GAS7: variants seen among roughly 807,000 people sequenced by gnomAD.
GAS7 encodes growth arrest-specific protein 7.
GAS7 carries 28 observed loss-of-function variants against 71.1 expected under a neutral mutation model. The ratio of observed to expected loss-of-function variants is 0.39; its 90% CI spans 0.29 to 0.54. The LOEUF is 0.54. GAS7 is among the 20% of genes least tolerant of loss of function. The probability of loss-of-function intolerance (pLI) is 0.62; values close to 1 mark genes in which losing one functional copy is unlikely to be tolerated. For synonymous variants in GAS7, 258 were observed against 245.8 expected (o/e 1.05, Z -0.46); for missense variants, 436 against 627.8 (o/e 0.69, Z 3.27).
Position 9,974,848 on chromosome 17 carries a change from C to T in GAS7, c.386-5086G>A, listed in dbSNP as rs1289069335. Among the ~76,000 whole-genome samples the T allele has an allele frequency of 2.0e-5, 3 of 152,122 alleles. No individual in the cohort carries two copies. The highest frequency in any genetic ancestry group is 6.5e-5 in the Admixed American group (1 of 15,272). On this transcript the variant is annotated intron_variant, in intron 3 of 13. Transcript: ENST00000432992. This position sits in a 1 kb window ranked among gnomAD's most constrained non-coding sequence, Gnocchi z 4.0. ...AGCAGCTCCGCCACCCAGGGCTCAC[C>T]CCCACCCACAGCTCGGCTTCCATAT... is the stretch of plus-strand genomic sequence containing the variant.
intron 1 of GAS7, among the ~76,000 whole-genome samples, chr17:10,062,398 T>C (rs1172190912): frequency 1.3e-5 from 2 of 152,076 alleles, no homozygotes; most frequent in African/African-American, 4.8e-5. Context: ...GACATGAGAA[T>C]CACTTGAACC....
intron 2 of GAS7, among the ~76,000 whole-genome samples, chr17:10,011,629 A>G (rs993911643): frequency 1.3e-5 from 2 of 152,170 alleles, no homozygotes; most frequent in Non-Finnish European, 2.9e-5. Context: ...ATAAGGTGTT[A>G]ACACTCAATC....
intron 2 of GAS7, among the ~76,000 whole-genome samples, chr17:10,005,202 TGTGTGC>T (rs1243390549): frequency 3.0e-4 from 35 of 117,584 alleles, no homozygotes; most frequent in African/African-American, 1.6e-3. Context: ...CGCATGCATG[TGTGTGC>T]ATGTGCGCGT....
intron 2 of GAS7, among the ~76,000 whole-genome samples, chr17:10,017,956 CT>C (rs1248134238): frequency 1.3e-5 from 2 of 152,208 alleles, no homozygotes; most frequent in Non-Finnish European, 2.9e-5. Context: ...CTGCCAGACA[CT>C]GTCTATTGAT....
At chr17:9,977,183 T>C (rs2070239392) in intron 3 of GAS7, among the ~76,000 whole-genome samples, 1 of 152,212 alleles carries the variant, frequency 6.6e-6, no homozygotes, top group Non-Finnish European at 1.5e-5. Context: ...TAAAAATTGT[T>C]CCCCAAATTT....
Position 9,917,352 on chromosome 17 carries a change from C to G in GAS7, c.1318-11G>C. On this transcript the variant is annotated splice_polypyrimidine_tract_variant and intron_variant, in intron 13 of 13. Transcript: ENST00000432992. ...CACGGGCTCGACTGTCTGCAAGAGA[C>G]AGAGAAAATGCGACACTGTTAGAGA... is the stretch of plus-strand genomic sequence containing the variant. 6 of 1,593,508 alleles carry G rather than the reference C, an allele frequency of 3.8e-6. No homozygotes were observed. The highest frequency in any genetic ancestry group is 3.3e-4 in the Middle Eastern group (2 of 6,022).
At chr17:9,920,871 G>A (rs1187990969) in intron 11 of GAS7, among the ~76,000 whole-genome samples, 1 of 152,174 alleles carries the variant, frequency 6.6e-6, no homozygotes, top group Non-Finnish European at 1.5e-5. Flanking sequence ...AATTCGAGTA[G>A]AGTCAAAGTG....
chr17:10,197,994 C>A (rs2074553071), intron 1 of GAS7, among the ~76,000 whole-genome samples: 1 of 152,192 alleles, frequency 6.6e-6, no homozygotes, highest in South Asian at 2.1e-4. Context: ...AAGGTGGAAG[C>A]TCCCCGCGAG....
At chr17:9,924,287 C>T (rs1389329915) in intron 11 of GAS7, among the ~76,000 whole-genome samples, 1 of 152,136 alleles carries the variant, frequency 6.6e-6, no homozygotes, top group Non-Finnish European at 1.5e-5. Context: ...CATCCTCCAC[C>T]TTAGCCTCCT....
chr17:10,131,389 A>G (rs1027484331), intron 1 of GAS7, among the ~76,000 whole-genome samples: 3 of 152,134 alleles, frequency 2.0e-5, no homozygotes, highest in African/African-American at 7.2e-5. Context: ...TTGGGAGGCC[A>G]AGGCAGGCAG....
At chr17:10,060,874 T>C (rs6503282) in intron 1 of GAS7, among the ~76,000 whole-genome samples, 34,729 of 152,002 alleles carry the variant, frequency 0.23, 4,879 homozygotes, top group African/African-American at 0.41. Context: ...TTGTCCCCCC[T>C]GAGGACATTT....
intron 4 of GAS7, among the ~76,000 whole-genome samples, chr17:9,962,237 T>TACACAC (rs1266383021): frequency 3.3e-5 from 3 of 91,678 alleles, no homozygotes; most frequent in South Asian, 3.2e-4. Flanking sequence ...ACGTGCATTT[T>TACACAC]ATACACACAC....
At chr17:10,036,169 T>G (rs567559670) in intron 1 of GAS7, among the ~76,000 whole-genome samples, 1 of 151,738 alleles carries the variant, frequency 6.6e-6, no homozygotes, top group East Asian at 1.9e-4. Context: ...ACATCCTTCA[T>G]AAATCTTTCT....
chr17:10,195,327 G>C (rs1265001834), intron 1 of GAS7, among the ~76,000 whole-genome samples: 1 of 152,070 alleles, frequency 6.6e-6, no homozygotes, highest in Non-Finnish European at 1.5e-5. Flanking sequence ...GCAAAGGCTG[G>C]GTCTCTCGGT....
chr17:9,914,824 G>C lies in GAS7; in HGVS notation c.*2404C>G, dbSNP rs908812879. 15 of 230,342 alleles carry C rather than the reference G, an allele frequency of 6.5e-5. No homozygotes were observed. The allele number at this position is 230,342 out of a possible 1,614,324, so 14.3% of individuals were successfully genotyped here. On this transcript the variant is annotated 3_prime_UTR_variant, in exon 14 of 14. Coordinates refer to ENST00000432992, the MANE Select transcript of GAS7 (RefSeq NM_201433.2). Reference sequence around the variant, plus strand: ...CGCCGCTTCTCAGCATGCCTGGCTTGTCTTGAGCATTCGCTGAATGAATGC... The same window carrying C: ...CGCCGCTTCTCAGCATGCCTGGCTTCTCTTGAGCATTCGCTGAATGAATGC...
At chr17:10,175,452 T>C (rs914609756) in intron 1 of GAS7, among the ~76,000 whole-genome samples, 1 of 152,142 alleles carries the variant, frequency 6.6e-6, no homozygotes, top group Non-Finnish European at 1.5e-5. Flanking sequence ...CTTGTAAGGC[T>C]TCTCCCCACT....
intron 2 of GAS7, among the ~76,000 whole-genome samples, chr17:10,006,454 C>T (rs914798157): frequency 6.6e-6 from 1 of 150,996 alleles, no homozygotes; most frequent in African/African-American, 2.4e-5. Context: ...CTCAGCCTCC[C>T]GAGTAGCTGG....
intron 9 of GAS7, among the ~76,000 whole-genome samples, chr17:9,927,286 TACATACACACAC>T (rs2068038358): frequency 1.5e-5 from 1 of 68,734 alleles, no homozygotes; most frequent in African/African-American, 5.0e-5. Flanking sequence ...CCATCTCTAC[TACATACACACAC>T]ACACACACAC....
intron 1 of GAS7, among the ~76,000 whole-genome samples, chr17:10,142,406 T>C (rs1488813078): frequency 6.6e-6 from 1 of 152,180 alleles, no homozygotes. Context: ...TCTCACTCTG[T>C]TGACCAGGCT....
Sources: allele counts gnomAD v4.1 joint callset (sites outside exome capture counted in the v4.1 genomes callset), GRCh38; gene constraint gnomAD v4.1.1; non-coding constraint Gnocchi (gnomAD v3.1); transcripts MANE v1.5; gene names NCBI Gene and HGNC (gene_info 2026-07-23, HGNC 2026-07-21).